JMJD1C: variants seen among roughly 807,000 people sequenced by gnomAD.
JMJD1C encodes the protein jumonji domain containing 1C, also known as jumonji domain-containing protein 1C.
A neutral mutation model predicts 245.3 loss-of-function variants in JMJD1C; 31 were observed. The observed-to-expected ratio is 0.13, with a 90% CI of 0.09 to 0.17. The LOEUF (loss-of-function observed/expected upper bound fraction) is 0.17. Among genes scored for constraint, JMJD1C ranks in the 10% least tolerant of loss-of-function variants. JMJD1C has a pLI of 1.00. For synonymous variants in JMJD1C, 1,057 were observed against 1,017.4 expected, an observed-to-expected ratio of 1.04 and a Z score of -0.74; for missense variants, 2,691 against 3,000.2, an observed-to-expected ratio of 0.90 and a Z score of 2.41.
chr10:63,272,769 A>G (rs1429970373), intron 2 of JMJD1C, among the ~76,000 whole-genome samples: 3 of 152,234 alleles, frequency 2.0e-5, no homozygotes, highest in Non-Finnish European at 4.4e-5. Flanking sequence ...ACTTTAGTAC[A>G]TTTCCCCAAT....
At chr10:63,355,905 C>T (rs562011648) in intron 2 of JMJD1C, among the ~76,000 whole-genome samples, 3 of 152,240 alleles carry the variant, frequency 2.0e-5, no homozygotes, top group Admixed American at 6.5e-5. Context: ...AAACCACAAT[C>T]GAGCTGAAAT....
rs16918511 is a variant in JMJD1C at position 63,486,160 on chromosome 10, A to C, written n.113+35578T>G. ...TGTAAAAAAAAAAAAAAAAAAAAAA[A>C]AAAAAAAACAAAAAACAGAAAACTT... On this transcript the variant is annotated intron_variant and non_coding_transcript_variant, in intron 1 of 3. Coordinates refer to the JMJD1C transcript ENST00000633035. Among the ~76,000 whole-genome samples the C allele has an allele frequency of 5.8e-3, 231 of 39,894 alleles. 3 individuals are homozygous for C. The highest frequency in any genetic ancestry group is 0.033 in the Admixed American group (148 of 4,498). The allele number at this position is 39,894 out of a possible 152,430, so 26.2% of individuals were successfully genotyped here. A position where few individuals can be genotyped will look rare whatever the true frequency, so the allele number is the denominator to read the frequency against.
intron 1 of JMJD1C, among the ~76,000 whole-genome samples, chr10:63,464,874 T>C (rs1953083417): frequency 6.6e-6 from 1 of 152,120 alleles, no homozygotes; most frequent in African/African-American, 2.4e-5. Flanking sequence ...CATACCAAAA[T>C]TTTTCACTTT....
chr10:63,439,015 G>C (rs1378635066), intron 1 of JMJD1C, among the ~76,000 whole-genome samples: 1 of 151,992 alleles, frequency 6.6e-6, no homozygotes, highest in African/African-American at 2.4e-5. Flanking sequence ...TTTATTCCCA[G>C]TGCCTGATAT....
chr10:63,238,626 T>C lies in JMJD1C; in HGVS notation c.448-18643A>G, dbSNP rs1589248916. ...AAATTGTTCCAGAAAGACAAAATTTTAGTTGTAACTGTTTTTTAGTTCTTC... is the reference window on the plus strand; with the variant it reads ...AAATTGTTCCAGAAAGACAAAATTTCAGTTGTAACTGTTTTTTAGTTCTTC... On this transcript the variant is annotated intron_variant, in intron 3 of 25. Transcript: ENST00000399262. Among the ~76,000 whole-genome samples the C allele has an allele frequency of 2.0e-5, 3 of 152,238 alleles. No homozygotes were observed. The East Asian group carries it at 5.8e-4, about 29-fold the overall frequency.
At chr10:63,492,274 G>A (rs1288017264) in intron 1 of JMJD1C, among the ~76,000 whole-genome samples, 2 of 151,932 alleles carry the variant, frequency 1.3e-5, no homozygotes, top group Admixed American at 6.6e-5. Context: ...AAAGTCAAGC[G>A]GAAACTCCAA....
At chr10:63,521,540 G>T in intron 1 of JMJD1C, 1 of 1,386,634 alleles carries the variant, frequency 7.2e-7, no homozygotes, top group South Asian at 1.5e-5. Flanking sequence ...CCAAGCCCCC[G>T]TGAAGATGGT....
chr10:63,174,869 T>C (rs1035376490), intron 24 of JMJD1C, among the ~76,000 whole-genome samples: 2 of 151,020 alleles, frequency 1.3e-5, no homozygotes, highest in East Asian at 3.9e-4. Flanking sequence ...AAAAAAAAAC[T>C]GCAAGAGGGA....
chr10:63,222,701 G>C, intron 3 of JMJD1C: 6 of 1,539,088 alleles, frequency 3.9e-6, no homozygotes, highest in Non-Finnish European at 5.4e-6. Context: ...CAAAGAAGCA[G>C]CAGCTGCTTT....
rs35643037 is a variant in JMJD1C at position 63,411,601 on chromosome 10, AT to A, written c.169-31120del. Among the ~76,000 whole-genome samples the A allele has an allele frequency of 3.0e-3, 355 of 120,046 alleles. 1 individual carries two copies. Among genetic ancestry groups the A allele is most frequent in the African/African-American group, 5.8e-3 (185 of 31,714 alleles). 78.8% of individuals were successfully genotyped at this position (120,046 alleles called of 152,430 possible). A position where few individuals can be genotyped will look rare whatever the true frequency, so the allele number is the denominator to read the frequency against. On this transcript the variant is annotated intron_variant, in intron 1 of 25. Coordinates refer to ENST00000399262, the MANE Select transcript of JMJD1C (RefSeq NM_032776.3). ...GGCGTGAGCCACCACACTCGGCCTGATTTTTTTTTTTTTTTTTTTGAGGCGG... is the reference window on the plus strand; with the variant it reads ...GGCGTGAGCCACCACACTCGGCCTGATTTTTTTTTTTTTTTTTTGAGGCGG...
chr10:63,399,965 T>C (rs1948750693), intron 1 of JMJD1C, among the ~76,000 whole-genome samples: 2 of 152,146 alleles, frequency 1.3e-5, no homozygotes, highest in Admixed American at 1.3e-4. Context: ...AACATAGATA[T>C]ACACATGAAC....
At chr10:63,337,706 T>G (rs774148064) in intron 2 of JMJD1C, among the ~76,000 whole-genome samples, 2 of 152,034 alleles carry the variant, frequency 1.3e-5, no homozygotes, top group East Asian at 3.9e-4. Flanking sequence ...GGAAGCCTCA[T>G]ATAGATTACA....
intron 2 of JMJD1C, chr10:63,269,059 G>C (rs1774337150): frequency 1.0e-6 from 1 of 985,396 alleles, no homozygotes; most frequent in African/African-American, 1.7e-5. Flanking sequence ...CCTCCGATCT[G>C]GGTCAGGATA....
At chr10:63,521,409 G>C (rs1156551339) in intron 1 of JMJD1C, 1 of 238,250 alleles carries the variant, frequency 4.2e-6, no homozygotes, top group Non-Finnish European at 7.0e-6. Flanking sequence ...GCACACACCG[G>C]GCCCGGCTCC....
intron 1 of JMJD1C, among the ~76,000 whole-genome samples, chr10:63,449,496 T>C (rs1205024377): frequency 6.6e-6 from 1 of 152,150 alleles, no homozygotes; most frequent in Admixed American, 6.5e-5. Context: ...ACCAAGCTAT[T>C]ATATGAGCTA....
intron 1 of JMJD1C, among the ~76,000 whole-genome samples, chr10:63,517,829 G>T (rs965199861): frequency 8.1e-5 from 9 of 111,338 alleles, no homozygotes; most frequent in South Asian, 2.9e-4. Context: ...GTCTCACTCT[G>T]TCACCCAAGC....
intron 1 of JMJD1C, among the ~76,000 whole-genome samples, chr10:63,493,146 A>T (rs1409328119): frequency 6.6e-6 from 1 of 152,188 alleles, no homozygotes; most frequent in East Asian, 1.9e-4. Flanking sequence ...GAGACTTAAC[A>T]AAATAATGTA....
intron 1 of JMJD1C, among the ~76,000 whole-genome samples, chr10:63,494,218 G>A (rs1305031845): frequency 6.6e-6 from 1 of 152,102 alleles, no homozygotes; most frequent in Non-Finnish European, 1.5e-5. Flanking sequence ...AGCTGAGGCA[G>A]GAGAATCACT....
intron 2 of JMJD1C, among the ~76,000 whole-genome samples, chr10:63,299,129 T>C (rs1859785775): frequency 6.6e-6 from 1 of 152,218 alleles, no homozygotes; most frequent in Non-Finnish European, 1.5e-5. Context: ...AACTGTATAA[T>C]ATGAAAAGTT....
Sources: allele counts gnomAD v4.1 joint callset (sites outside exome capture counted in the v4.1 genomes callset), GRCh38; gene constraint gnomAD v4.1.1; transcripts MANE v1.5; gene names NCBI Gene and HGNC (gene_info 2026-07-23, HGNC 2026-07-21).